The following ACTR3B variants were observed in gnomAD, a reference collection of about 807,000 sequenced individuals.
The protein encoded by ACTR3B is actin-related protein 3B.
ACTR3B carries 8 observed loss-of-function variants against 59.0 expected under a neutral mutation model. That is an observed-to-expected ratio of 0.14 (90% CI 0.08 to 0.24). The LOEUF is 0.24. Among genes scored for constraint, ACTR3B ranks in the 10% least tolerant of loss-of-function variants. ACTR3B has a pLI of 1.00. For missense variants in ACTR3B, 245 were observed against 552.3 expected (o/e 0.44, Z 5.58); for synonymous variants, 148 against 197.9 (o/e 0.75, Z 2.12).
chr7:152,770,896 A>G (rs2098122375), intron 1 of ACTR3B, among the ~76,000 whole-genome samples: 1 of 145,782 alleles, frequency 6.9e-6, no homozygotes. Flanking sequence ...GGAAGGAAAC[A>G]TAACAAGCAA....
At chr7:152,808,078 C>A (rs1251604793) in intron 4 of ACTR3B, among the ~76,000 whole-genome samples, 6 of 152,064 alleles carry the variant, frequency 3.9e-5, no homozygotes, top group African/African-American at 1.4e-4. Flanking sequence ...TACTTTCTGT[C>A]TCTATACATT....
At chr7:152,781,241 C>T (rs2098152718) in intron 1 of ACTR3B, among the ~76,000 whole-genome samples, 1 of 134,092 alleles carries the variant, frequency 7.5e-6, no homozygotes, top group Non-Finnish European at 1.6e-5. Flanking sequence ...ACATAGACCA[C>T]TGCTCCTCTT....
chr7:152,846,735 GC>G (rs1798343899), intron 9 of ACTR3B, among the ~76,000 whole-genome samples: 1 of 144,010 alleles, frequency 6.9e-6, no homozygotes, highest in East Asian at 2.2e-4. Flanking sequence ...GAGTTCTAGC[GC>G]CCGGGGCTGT....
chr7:152,854,803 G>A lies in ACTR3B; in HGVS notation c.*250G>A, dbSNP rs868337676. 6 of 437,922 alleles carry A rather than the reference G, an allele frequency of 1.4e-5. No individual in the cohort carries two copies. The highest frequency in any genetic ancestry group is 3.9e-5 in the South Asian group (1 of 25,858). The allele number at this position is 437,922 out of a possible 1,614,324, so 27.1% of individuals were successfully genotyped here. A position where few individuals can be genotyped will look rare whatever the true frequency, so the allele number is the denominator to read the frequency against. On this transcript the variant is annotated 3_prime_UTR_variant, in exon 12 of 12. Coordinates refer to ENST00000256001, the MANE Select transcript of ACTR3B (RefSeq NM_020445.6). The surrounding 1 kb of genome is among the most constrained non-coding windows in gnomAD (Gnocchi z 4.9). ...TCGCTCTCCCTCCTCCTCCTCCTCC[G>A]AGCTGCTAGCTGACAAATACAATTC...
intron 6 of ACTR3B, among the ~76,000 whole-genome samples, chr7:152,817,330 G>A (rs557173764): frequency 2.1e-4 from 32 of 151,908 alleles, no homozygotes; most frequent in African/African-American, 7.0e-4. Flanking sequence ...GCAGTGAGCC[G>A]AGATCGCACC....
At chr7:152,817,105 C>G (rs1795757803) in intron 6 of ACTR3B, among the ~76,000 whole-genome samples, 1 of 151,672 alleles carries the variant, frequency 6.6e-6, no homozygotes, top group Non-Finnish European at 1.5e-5. Context: ...TATTTAAGGG[C>G]TGGGCGCGGT....
At chr7:152,767,774 C>G (rs1289564641) in intron 1 of ACTR3B, among the ~76,000 whole-genome samples, 5 of 151,416 alleles carry the variant, frequency 3.3e-5, no homozygotes, top group Admixed American at 3.3e-4. Context: ...TCTTGTTTTT[C>G]TTGAATATAT....
At chr7:152,820,240 A>C in intron 6 of ACTR3B, 59 bp from the exon 7 acceptor site, 7 of 1,576,430 alleles carry the variant, frequency 4.4e-6, no homozygotes, top group Non-Finnish European at 6.1e-6. Flanking sequence ...TTGTGAGTCC[A>C]GGCTGCTCTC....
chr7:152,822,056 C>CT (rs937355073), intron 7 of ACTR3B, among the ~76,000 whole-genome samples: 2 of 152,196 alleles, frequency 1.3e-5, no homozygotes, highest in African/African-American at 4.8e-5. Context: ...AACTGAATGC[C>CT]TTTGTCTCCA....
chr7:152,854,658 C>T lies in ACTR3B; in HGVS notation c.*105C>T, dbSNP rs1799117587. ...GTAAATAGCGACGTCGGTGTTGCTG[C>T]CCAGCAGCGTGCTTGCATTGCCGGT... is the stretch of plus-strand genomic sequence containing the variant. On this transcript the variant is annotated 3_prime_UTR_variant, in exon 12 of 12. Transcript: ENST00000256001. The surrounding 1 kb of genome is among the most constrained non-coding windows in gnomAD (Gnocchi z 4.9). The T allele has an allele frequency of 5.8e-6, 7 of 1,212,662 alleles. No homozygotes were observed. Among genetic ancestry groups the T allele is most frequent in the Admixed American group, 1.9e-5 (1 of 52,444 alleles). 75.1% of individuals were successfully genotyped at this position (1,212,662 alleles called of 1,614,324 possible).
chr7:152,845,503 C>T (rs1486657443), intron 9 of ACTR3B, among the ~76,000 whole-genome samples: 1 of 152,220 alleles, frequency 6.6e-6, no homozygotes, highest in Admixed American at 6.5e-5. Context: ...CTATTCCGTG[C>T]TGAGCTGGAC....
intron 2 of ACTR3B, among the ~76,000 whole-genome samples, chr7:152,792,042 C>A (rs1395264635): frequency 6.6e-6 from 1 of 152,110 alleles, no homozygotes; most frequent in Non-Finnish European, 1.5e-5. Flanking sequence ...CAGGTGCCCA[C>A]CACCACGCCC....
At chr7:152,786,213 T>A (rs2098173348) in intron 2 of ACTR3B, among the ~76,000 whole-genome samples, 1 of 93,830 alleles carries the variant, frequency 1.1e-5, no homozygotes, top group Non-Finnish European at 2.1e-5. Context: ...AGTTCAGGTG[T>A]GAAGAGGTTT....
intron 7 of ACTR3B, among the ~76,000 whole-genome samples, chr7:152,820,902 T>A (rs3095093): frequency 2.0e-5 from 3 of 152,256 alleles, no homozygotes; most frequent in African/African-American, 4.8e-5. Flanking sequence ...TGGCACAGTT[T>A]CTGAGTGTAG....
At chr7:152,822,948 T>G (rs2689593) in intron 7 of ACTR3B, among the ~76,000 whole-genome samples, 1 of 143,684 alleles carries the variant, frequency 7.0e-6, no homozygotes, top group Non-Finnish European at 1.5e-5. Context: ...TAGTTGAGCT[T>G]GCAGCACGGG....
intron 5 of ACTR3B, 93 bp downstream of exon 5, chr7:152,814,738 C>A (rs547318448): frequency 4.2e-6 from 4 of 957,672 alleles, no homozygotes; most frequent in Non-Finnish European, 6.3e-6. Flanking sequence ...TGGAAGACTG[C>A]GCTGTGTGCC....
At chr7:152,804,833 C>T in intron 4 of ACTR3B, among the ~76,000 whole-genome samples, 1 of 152,106 alleles carries the variant, frequency 6.6e-6, no homozygotes, top group Non-Finnish European at 1.5e-5. Context: ...TGTTAGGTTG[C>T]CCTCAGTCCA....
intron 2 of ACTR3B, among the ~76,000 whole-genome samples, chr7:152,799,170 A>G (rs1225618579): frequency 2.6e-5 from 4 of 152,228 alleles, no homozygotes; most frequent in Non-Finnish European, 5.9e-5. Flanking sequence ...TCAGAAATAC[A>G]TTAAGGACAG....
intron 9 of ACTR3B, among the ~76,000 whole-genome samples, chr7:152,842,664 A>G (rs1231452217): frequency 1.3e-5 from 2 of 152,210 alleles, no homozygotes; most frequent in East Asian, 1.9e-4. Flanking sequence ...CGGCTGTGCC[A>G]CAAGTCAGCC....
Sources: allele counts gnomAD v4.1 joint callset (sites outside exome capture counted in the v4.1 genomes callset), GRCh38; gene constraint gnomAD v4.1.1; non-coding constraint Gnocchi (gnomAD v3.1); transcripts MANE v1.5; gene names NCBI Gene and HGNC (gene_info 2026-07-23, HGNC 2026-07-21).